Variants in CCDC38 observed in about 807,000 individuals in gnomAD.
The protein encoded by CCDC38 is coiled-coil domain containing 38.
CCDC38 carries 69 observed loss-of-function variants against 72.8 expected under a neutral mutation model. The observed-to-expected ratio is 0.95, with a 90% CI of 0.78 to 1.16. The LOEUF (loss-of-function observed/expected upper bound fraction) is 1.16, where lower values mean the gene tolerates loss of function less well. CCDC38 is among the 50% of genes most tolerant of loss of function. CCDC38 has a pLI of 0.00. For synonymous variants in CCDC38, 201 were observed against 213.2 expected (o/e 0.94, Z 0.50); for missense variants, 626 against 638.9 (o/e 0.98, Z 0.22).
At chr12:95,875,314 C>A (rs1412673361) in intron 13 of CCDC38, among the ~76,000 whole-genome samples, 1 of 152,118 alleles carries the variant, frequency 6.6e-6, no homozygotes, top group Non-Finnish European at 1.5e-5. Context: ...GAGAAAATTT[C>A]TTGAGAGGTA....
chr12:95,879,827 C>G lies in CCDC38; in HGVS notation c.991-32G>C. On this transcript the variant is annotated intron_variant, in intron 11 of 15. Transcript: ENST00000344280. The surrounding 1 kb of genome is among the most constrained non-coding windows in gnomAD (Gnocchi z 5.5). The stretch of plus-strand genomic sequence containing the variant: ...AATCAATAATGAAGAATATAATTTA[C>G]TTAAAAATATGCTACCTATGCACAT... 6.6e-7 allele frequency: 1 copy of G among 1,521,116 alleles called. No homozygotes were observed. Among genetic ancestry groups the G allele is most frequent in the Admixed American group, 2.0e-5 (1 of 51,148 alleles). The allele number at this position is 1,521,116 out of a possible 1,614,324, so 94.2% of individuals were successfully genotyped here.
Position 95,926,943 on chromosome 12 carries a change from A to G in CCDC38, c.38-7967T>C, listed in dbSNP as rs558375644. Among the ~76,000 whole-genome samples, 8 of 152,148 alleles carry G rather than the reference A, an allele frequency of 5.3e-5. No individual in the cohort carries two copies. In the East Asian group the frequency reaches 1.2e-3, roughly 22 times the overall value. ...AATTTCTGTTCTTTTACATTTGCTGAGGAGAGCTTTACTTCCAAGTATGTG... is the reference window on the plus strand; with the variant it reads ...AATTTCTGTTCTTTTACATTTGCTGGGGAGAGCTTTACTTCCAAGTATGTG... On this transcript the variant is annotated intron_variant, in intron 2 of 15. Transcript: ENST00000344280.
chr12:95,878,468 C>CT, intron 12 of CCDC38, 122 bp from the exon 13 acceptor site: 1 of 905,242 alleles, frequency 1.1e-6, no homozygotes, highest in Non-Finnish European at 1.7e-6. Flanking sequence ...AAATACAAGT[C>CT]TGTATTTGAA....
intron 2 of CCDC38, among the ~76,000 whole-genome samples, chr12:95,928,437 C>G (rs1374428867): frequency 6.6e-6 from 1 of 152,182 alleles, no homozygotes; most frequent in Admixed American, 6.5e-5. Flanking sequence ...GTTATACATT[C>G]TTCTAAACTT....
At chr12:95,876,762 G>A (rs2079640093) in intron 13 of CCDC38, among the ~76,000 whole-genome samples, 1 of 152,108 alleles carries the variant, frequency 6.6e-6, no homozygotes, top group South Asian at 2.1e-4. Flanking sequence ...GTGGGTAGGG[G>A]AGGACAGTCT....
intron 7 of CCDC38, among the ~76,000 whole-genome samples, 159 bp from the exon 8 acceptor site, chr12:95,895,305 T>G (rs994433743): frequency 1.3e-5 from 2 of 152,110 alleles, no homozygotes; most frequent in Non-Finnish European, 2.9e-5. Flanking sequence ...TCAGTGAATA[T>G]GAAATGAGAT....
Position 95,895,001 on chromosome 12 carries a change from T to C in CCDC38, c.760A>G (p.Lys254Glu). Residue 254 changes from lysine (K) to glutamate (E), a missense_variant, in exon 8 of 16, where the codon AAA (lysine) becomes GAA (glutamate). Coordinates refer to ENST00000344280, the MANE Select transcript of CCDC38 (RefSeq NM_182496.3). ...SKSKANIILP[K>E]ILAKLSLHSS... ...ATAAGTAACTTACTTGCTAATATTT[T>C]TGGAAGGATGATATTTGCTTTACTT... 1.9e-6 allele frequency: 3 copies of C among 1,606,488 alleles called. No individual in the cohort carries two copies. The South Asian group carries it at 3.4e-5, about 18-fold the overall frequency.
intron 14 of CCDC38, chr12:95,869,821 A>ATTT: frequency 1.4e-5 from 4 of 278,026 alleles, no homozygotes; most frequent in Non-Finnish European, 2.6e-5. Flanking sequence ...ATCTTGGTCT[A>ATTT]TTTTTTTTTT....
chr12:95,923,638 C>G (rs1170020003), intron 2 of CCDC38, among the ~76,000 whole-genome samples: 15 of 152,162 alleles, frequency 9.9e-5, no homozygotes, highest in Admixed American at 9.2e-4. Context: ...GTGTGCTGCA[C>G]CCACTAACTC....
At chr12:95,875,353 T>G (rs577428850) in intron 13 of CCDC38, among the ~76,000 whole-genome samples, 1 of 152,136 alleles carries the variant, frequency 6.6e-6, no homozygotes, top group East Asian at 1.9e-4. Flanking sequence ...TTCTCAACAT[T>G]ACATTATACT....
chr12:95,873,483 T>A (rs577849527), intron 13 of CCDC38, among the ~76,000 whole-genome samples: 1 of 152,356 alleles, frequency 6.6e-6, no homozygotes, highest in Admixed American at 6.5e-5. Context: ...CAAACCTTGC[T>A]GATCCCTGTA....
chr12:95,905,022 T>C (rs934745402), intron 5 of CCDC38, among the ~76,000 whole-genome samples: 2 of 152,228 alleles, frequency 1.3e-5, no homozygotes, highest in Admixed American at 6.5e-5. Context: ...AAGTCGCTTA[T>C]GTAAAATGGA....
At chr12:95,895,492 G>A (rs937476815) in intron 7 of CCDC38, among the ~76,000 whole-genome samples, 2 of 151,974 alleles carry the variant, frequency 1.3e-5, no homozygotes, top group East Asian at 1.9e-4. Flanking sequence ...TGGCTCACAC[G>A]TGTAATCCCA....
intron 4 of CCDC38, among the ~76,000 whole-genome samples, chr12:95,908,459 G>GT (rs2080043409): frequency 1.4e-4 from 1 of 7,052 alleles, no homozygotes; most frequent in Non-Finnish European, 3.1e-4. Flanking sequence ...GAGAGGGAGA[G>GT]GGAGAGGGAG....
chr12:95,899,142 C>CCAT (rs1180406266), intron 5 of CCDC38, among the ~76,000 whole-genome samples: 1 of 152,202 alleles, frequency 6.6e-6, no homozygotes, highest in Admixed American at 6.5e-5. Flanking sequence ...TTCAACTCTG[C>CCAT]CATGCCAGTG....
chr12:95,910,577 T>A (rs981307852), intron 4 of CCDC38, among the ~76,000 whole-genome samples: 1 of 152,206 alleles, frequency 6.6e-6, no homozygotes, highest in Non-Finnish European at 1.5e-5. Context: ...ATTCTAGAAT[T>A]CAGGCTGGGC....
At chr12:95,927,444 G>A (rs1363543674) in intron 2 of CCDC38, among the ~76,000 whole-genome samples, 1 of 149,868 alleles carries the variant, frequency 6.7e-6, no homozygotes, top group Non-Finnish European at 1.5e-5. Context: ...CTGCACATGA[G>A]ATGGGTTTCC....
At chr12:95,899,033 T>C (rs997978196) in intron 5 of CCDC38, among the ~76,000 whole-genome samples, 10 of 152,172 alleles carry the variant, frequency 6.6e-5, no homozygotes, top group African/African-American at 2.2e-4. Flanking sequence ...TACAGTGTAT[T>C]ACCCTCCAGT....
intron 14 of CCDC38, among the ~76,000 whole-genome samples, chr12:95,871,058 A>G (rs1159476277): frequency 6.6e-6 from 1 of 152,242 alleles, no homozygotes; most frequent in Non-Finnish European, 1.5e-5. Context: ...CCAGGCTGGT[A>G]GCCTGAGTAC....
Sources: allele counts gnomAD v4.1 joint callset (sites outside exome capture counted in the v4.1 genomes callset), GRCh38; gene constraint gnomAD v4.1.1; non-coding constraint Gnocchi (gnomAD v3.1); transcripts MANE v1.5; gene names NCBI Gene and HGNC (gene_info 2026-07-23, HGNC 2026-07-21).